Variants in PTPRD observed in about 807,000 individuals in gnomAD.
The protein encoded by PTPRD is receptor-type tyrosine-protein phosphatase delta.
In PTPRD, 34 loss-of-function variants were observed where a neutral mutation model predicts 214.5. The observed-to-expected ratio is 0.16, with a 90% CI of 0.12 to 0.21. The LOEUF (loss-of-function observed/expected upper bound fraction) is 0.21, where lower values mean the gene tolerates loss of function less well. Ranked by LOEUF, PTPRD falls within the 10% of genes least tolerant of loss-of-function variation. The pLI is 1.00. For synonymous variants in PTPRD, 1,128 were observed against 845.7 expected (o/e 1.33, Z -5.79); for missense variants, 2,545 against 2,398.7 (o/e 1.06, Z -1.27).
chr9:9,126,877 C>A (rs1439465415), intron 10 of PTPRD, among the ~76,000 whole-genome samples: 1 of 152,190 alleles, frequency 6.6e-6, no homozygotes, highest in Non-Finnish European at 1.5e-5. Flanking sequence ...CACTCTTTAA[C>A]CCATTTATTC....
chr9:9,061,149 C>A (rs777760922), intron 10 of PTPRD, among the ~76,000 whole-genome samples: 3 of 152,064 alleles, frequency 2.0e-5, no homozygotes, highest in African/African-American at 7.2e-5. Flanking sequence ...GTCAGGGTAC[C>A]GGCTATTTTC....
At position 8,675,083 on chromosome 9, in the gene PTPRD, T is replaced by C. The variant is rs189547396; in HGVS notation, c.65-38239A>G. On this transcript the variant is annotated intron_variant, in intron 12 of 45. Transcript: ENST00000381196. ...CCACCTTCTTTATTTTAAGCACCAA[T>C]GCAGATAGCATTAAGTGGATGTCGC... 6.4e-4 allele frequency among the ~76,000 whole-genome samples: 98 copies of C among 152,266 alleles called. No homozygotes were observed. In the East Asian group the frequency reaches 0.018, roughly 28 times the overall value.
chr9:10,324,271 T>G (rs1039115693), intron 3 of PTPRD, among the ~76,000 whole-genome samples: 23 of 152,078 alleles, frequency 1.5e-4, no homozygotes, highest in African/African-American at 5.5e-4. Context: ...CCCCTTCTCT[T>G]AGACCAACCT....
intron 9 of PTPRD, among the ~76,000 whole-genome samples, chr9:9,354,527 T>G (rs1050645888): frequency 6.6e-6 from 1 of 151,844 alleles, no homozygotes. Context: ...CCTACATTTT[T>G]TTTTGTGGTA....
At chr9:9,873,174 T>A (rs1195502370) in intron 5 of PTPRD, among the ~76,000 whole-genome samples, 1 of 152,090 alleles carries the variant, frequency 6.6e-6, no homozygotes, top group Non-Finnish European at 1.5e-5. Flanking sequence ...AAAGAAAGAC[T>A]CATCACCAAT....
rs2138570733 is a variant in PTPRD, at chr9:8,518,303, G to C, written c.1088C>G (p.Ser363Cys). 6.2e-7 allele frequency: 1 copy of C among 1,614,134 alleles called. No homozygotes were observed. The highest frequency in any genetic ancestry group is 8.5e-7 in the Non-Finnish European group (1 of 1,180,012). The change falls in exon 21 of 46, where the codon TCT (serine) becomes TGT (cysteine). Residue 363 changes from serine (S) to cysteine (C), a missense_variant. Physicochemically the swap from Ser to Cys is moderately radical, Grantham distance 112 (BLOSUM62 -1). Coordinates refer to ENST00000381196, the MANE Select transcript of PTPRD (RefSeq NM_002839.4). ...YYIIQHKPKNSEELYKEIDGV... is the reference protein window; with the variant it reads ...YYIIQHKPKNCEELYKEIDGV... ...ATCAATTTCTTTGTAAAGTTCCTCA[G>C]AGTTTTTAGGTTTATGCTGAATTAT...
intron 39 of PTPRD, among the ~76,000 whole-genome samples, chr9:8,365,467 A>G (rs372063443): frequency 6.6e-6 from 1 of 152,250 alleles, no homozygotes; most frequent in African/African-American, 2.4e-5. Flanking sequence ...TACTATTCAT[A>G]AACCCTGTAT....
At chr9:9,852,355 C>A (rs920778346) in intron 5 of PTPRD, among the ~76,000 whole-genome samples, 1 of 151,780 alleles carries the variant, frequency 6.6e-6, no homozygotes, top group Non-Finnish European at 1.5e-5. Context: ...CTATTATTCC[C>A]ATCAATACGA....
intron 7 of PTPRD, among the ~76,000 whole-genome samples, chr9:9,672,731 G>A (rs1487225823): frequency 6.6e-6 from 1 of 151,908 alleles, no homozygotes; most frequent in South Asian, 2.1e-4. Context: ...TTTCACTACT[G>A]AGAAAACAAA....
intron 4 of PTPRD, among the ~76,000 whole-genome samples, chr9:10,024,791 C>T (rs1244956504): frequency 8.5e-6 from 1 of 118,124 alleles, no homozygotes; most frequent in African/African-American, 3.2e-5. Context: ...TCCCCCCACC[C>T]CACAACAGGC....
chr9:8,564,865 G>A (rs186679103), intron 14 of PTPRD, among the ~76,000 whole-genome samples: 119 of 152,082 alleles, frequency 7.8e-4, no homozygotes, highest in African/African-American at 2.8e-3. Context: ...TTTTTAAAGG[G>A]CCTAAATAAT....
chr9:10,424,610 A>C (rs900681383), intron 2 of PTPRD, among the ~76,000 whole-genome samples: 14 of 151,920 alleles, frequency 9.2e-5, no homozygotes, highest in African/African-American at 3.4e-4. Context: ...GTGGATAATA[A>C]AATGAGGAAA....
chr9:8,585,953 A>G (rs1377012943), intron 14 of PTPRD, among the ~76,000 whole-genome samples: 1 of 152,020 alleles, frequency 6.6e-6, no homozygotes, highest in Non-Finnish European at 1.5e-5. Flanking sequence ...ATTTTATTAT[A>G]ACCAATTAAA....
intron 8 of PTPRD, among the ~76,000 whole-genome samples, chr9:9,499,826 T>A (rs1264680973): frequency 1.3e-5 from 2 of 152,052 alleles, no homozygotes; most frequent in East Asian, 3.9e-4. Context: ...TGACACTGTC[T>A]CATAAATAAA....
chr9:8,832,464 G>A (rs1033834368), intron 11 of PTPRD, among the ~76,000 whole-genome samples: 6 of 147,728 alleles, frequency 4.1e-5, no homozygotes, highest in Non-Finnish European at 8.9e-5. Flanking sequence ...AAATTATGGG[G>A]AAAATAGGCA....
In PTPRD at chr9:8,813,868, G is replaced by A. The variant is rs1056372461; in HGVS notation, c.-103-79922C>T. Among the ~76,000 whole-genome samples the A allele has an allele frequency of 7.9e-5, 12 of 152,300 alleles. No individual in the cohort carries two copies. The East Asian group carries it at 1.2e-3, about 15-fold the overall frequency. ...AAATTTAAAAGAAAATGACAACATC[G>A]TCTGAGAAGTCTTCTTTGGTCCTGG... On this transcript the variant is annotated intron_variant, in intron 11 of 45. Coordinates refer to ENST00000381196, the MANE Select transcript of PTPRD (RefSeq NM_002839.4).
chr9:9,404,360 G>A (rs1426139501), intron 8 of PTPRD, among the ~76,000 whole-genome samples: 3 of 152,120 alleles, frequency 2.0e-5, no homozygotes, highest in Non-Finnish European at 2.9e-5. Context: ...ATACTAAAGT[G>A]TAGCTGGAGA....
chr9:9,451,092 G>A (rs2145240058), intron 8 of PTPRD, among the ~76,000 whole-genome samples: 1 of 151,596 alleles, frequency 6.6e-6, no homozygotes, highest in Admixed American at 6.6e-5. Context: ...TGTAGAAGTT[G>A]TTCAGTAAAT....
chr9:8,416,020 C>A (rs1035632683), intron 35 of PTPRD, among the ~76,000 whole-genome samples: 2 of 152,088 alleles, frequency 1.3e-5, no homozygotes, highest in Non-Finnish European at 2.9e-5. Context: ...TTGATTCATC[C>A]ATTTCCTGGT....
Sources: allele counts gnomAD v4.1 joint callset (sites outside exome capture counted in the v4.1 genomes callset), GRCh38; gene constraint gnomAD v4.1.1; transcripts MANE v1.5; gene names NCBI Gene and HGNC (gene_info 2026-07-23, HGNC 2026-07-21).